Variants in SPAG17 observed in about 807,000 individuals in gnomAD.
The protein encoded by SPAG17 is sperm-associated antigen 17.
A neutral mutation model predicts 273.6 loss-of-function variants in SPAG17; 169 were observed. That is an observed-to-expected ratio of 0.62 (90% confidence interval 0.55 to 0.70). SPAG17 has a LOEUF of 0.70. Among genes scored for constraint, SPAG17 ranks in the 30% least tolerant of loss-of-function variants. The probability of loss-of-function intolerance (pLI) is 0.00; values close to 1 mark genes in which losing one functional copy is unlikely to be tolerated. For synonymous variants in SPAG17, 825 were observed against 873.2 expected (o/e 0.94, Z 0.97); for missense variants, 2,557 against 2,627.8 (o/e 0.97, Z 0.59).
chr1:118,064,389 T>C (rs1288068645), intron 18 of SPAG17, among the ~76,000 whole-genome samples: 1 of 151,376 alleles, frequency 6.6e-6, no homozygotes, highest in African/African-American at 2.4e-5. Context: ...ATATACACCA[T>C]GGAATACTAT....
At chr1:117,964,190 C>A in intron 47 of SPAG17, 1 of 319,796 alleles carries the variant, frequency 3.1e-6, no homozygotes, top group Non-Finnish European at 5.9e-6. Flanking sequence ...TATAAGGAGC[C>A]ATCAGTATGG....
intron 45 of SPAG17, among the ~76,000 whole-genome samples, chr1:117,971,603 G>A (rs986294821): frequency 3.3e-5 from 5 of 151,842 alleles, no homozygotes; most frequent in African/African-American, 1.2e-4. Context: ...CAGGATGTGA[G>A]TTGCTTTTAC....
chr1:118,145,994 T>C (rs1331804512), intron 3 of SPAG17, among the ~76,000 whole-genome samples: 2 of 152,220 alleles, frequency 1.3e-5, no homozygotes, highest in African/African-American at 2.4e-5. Context: ...TGAAGGCTCA[T>C]TTCCTGGTTG....
At chr1:118,119,801 A>G (rs1211991686) in intron 3 of SPAG17, among the ~76,000 whole-genome samples, 2 of 152,206 alleles carry the variant, frequency 1.3e-5, no homozygotes, top group Non-Finnish European at 2.9e-5. Context: ...TCTTTACCAC[A>G]GTAAAAAATA....
chr1:118,006,657 C>T (rs1188666129), intron 31 of SPAG17, among the ~76,000 whole-genome samples: 2 of 152,160 alleles, frequency 1.3e-5, no homozygotes, highest in African/African-American at 4.8e-5. Context: ...TGAGGAAGTG[C>T]CAAGTTGTTT....
chr1:117,963,908 C>A lies in SPAG17; in HGVS notation c.6563G>T (p.Arg2188Leu). Residue 2188 changes from arginine (R) to leucine (L), a missense_variant, in exon 48 of 49, where the codon CGA (arginine) becomes CTA (leucine). Physicochemically the swap from Arg to Leu is moderately radical, Grantham distance 102. Coordinates refer to ENST00000336338, the MANE Select transcript of SPAG17 (RefSeq NM_206996.4). The part of the protein sequence containing the change: ...TVLTSSNYDK[R>L]PKDFPQGKEN... ...TTTTCCCTGGGGAAAGTCTTTTGGT[C>A]GTTTATCATAATTGCTGCTTGTTAA... The A allele has an allele frequency of 1.2e-6, 2 of 1,613,710 alleles. No homozygotes were observed. Among genetic ancestry groups the A allele is most frequent in the Non-Finnish European group, 8.5e-7 (1 of 1,179,806 alleles).
chr1:118,175,245 G>T (rs1660635732), intron 1 of SPAG17, among the ~76,000 whole-genome samples: 2 of 152,058 alleles, frequency 1.3e-5, no homozygotes, highest in South Asian at 4.2e-4. Context: ...GCCCAGACTG[G>T]TCTTGAACCC....
chr1:118,125,016 C>T (rs545834939), intron 3 of SPAG17, among the ~76,000 whole-genome samples: 3 of 152,034 alleles, frequency 2.0e-5, no homozygotes, highest in Non-Finnish European at 4.4e-5. Flanking sequence ...CCTTTTAGCC[C>T]AGGTTTTTAT....
rs537236556 is a variant in SPAG17 at position 118,085,536 on chromosome 1, G to A, written c.1762+386C>T. On this transcript the variant is annotated intron_variant, in intron 13 of 48. Transcript: ENST00000336338. ...TGCGTGCGTGCATACGCGTGCGCGC[G>A]CGCACACACACACACACACACACAG... Among the ~76,000 whole-genome samples the A allele has an allele frequency of 5.3e-5, 8 of 151,860 alleles. No individual in the cohort carries two copies. The South Asian group carries it at 6.2e-4, about 12-fold the overall frequency.
At chr1:118,158,166 T>A (rs1659744619) in intron 1 of SPAG17, among the ~76,000 whole-genome samples, 1 of 152,186 alleles carries the variant, frequency 6.6e-6, no homozygotes, top group African/African-American at 2.4e-5. Flanking sequence ...TCTAAAGGAA[T>A]GTATAATAAT....
intron 20 of SPAG17, among the ~76,000 whole-genome samples, chr1:118,043,133 T>G (rs1448523463): frequency 2.0e-5 from 3 of 152,102 alleles, no homozygotes; most frequent in Admixed American, 6.5e-5. Flanking sequence ...AAAAGAAGTA[T>G]TAAAAGCATA....
intron 36 of SPAG17, 52 bp from the exon 37 acceptor site, chr1:117,991,580 G>C (rs780248171): frequency 7.8e-6 from 9 of 1,159,100 alleles, no homozygotes; most frequent in Non-Finnish European, 1.0e-5. Context: ...TAGGAAGAGA[G>C]AGATACAAAA....
intron 3 of SPAG17, among the ~76,000 whole-genome samples, chr1:118,138,417 C>T (rs1002458363): frequency 2.0e-5 from 3 of 152,182 alleles, no homozygotes; most frequent in Non-Finnish European, 4.4e-5. Flanking sequence ...AAGTGAGAGG[C>T]TGAGAGAGGA....
intron 17 of SPAG17, among the ~76,000 whole-genome samples, chr1:118,071,222 T>C (rs1653553060): frequency 1.3e-5 from 2 of 151,954 alleles, no homozygotes; most frequent in South Asian, 2.1e-4. Context: ...GACAATATTA[T>C]ATATTACCCT....
chr1:118,074,729 T>TG, intron 15 of SPAG17, 129 bp from the exon 16 acceptor site: 1 of 785,764 alleles, frequency 1.3e-6, no homozygotes, highest in Non-Finnish European at 2.1e-6. Flanking sequence ...CTGAAAGGCA[T>TG]GTTTTGTGCC....
At chr1:117,959,613 G>T in intron 48 of SPAG17, 1 of 641,494 alleles carries the variant, frequency 1.6e-6, no homozygotes, top group Non-Finnish European at 2.4e-6. Context: ...ATTCCAACAT[G>T]AGATTATGGG....
intron 29 of SPAG17, among the ~76,000 whole-genome samples, chr1:118,015,732 G>A (rs1659894092): frequency 6.6e-6 from 1 of 152,082 alleles, no homozygotes; most frequent in Non-Finnish European, 1.5e-5. Flanking sequence ...ACGTGGTTGT[G>A]CCCACAACAC....
At chr1:118,185,044 G>A in intron 1 of SPAG17, 27 bp downstream of exon 1, 1 of 1,605,474 alleles carries the variant, frequency 6.2e-7, no homozygotes, top group Non-Finnish European at 8.5e-7. Context: ...CCGGGGGCAG[G>A]GAGGGCTTAA....
intron 18 of SPAG17, among the ~76,000 whole-genome samples, chr1:118,062,074 T>C (rs1018077865): frequency 1.3e-5 from 2 of 151,902 alleles, no homozygotes; most frequent in Admixed American, 6.6e-5. Flanking sequence ...CTAGATATAA[T>C]ATTAAAGAAA....
Sources: allele counts gnomAD v4.1 joint callset (sites outside exome capture counted in the v4.1 genomes callset), GRCh38; gene constraint gnomAD v4.1.1; transcripts MANE v1.5; gene names NCBI Gene and HGNC (gene_info 2026-07-23, HGNC 2026-07-21).